The following PKD1L3 variants were observed in gnomAD, a reference collection of about 807,000 sequenced individuals.
PKD1L3 encodes the protein polycystin 1 like 3, transient receptor potential channel interacting, also known as polycystin-1-like protein 3.
PKD1L3 carries 239 observed loss-of-function variants against 184.1 expected under a neutral mutation model. That is an observed-to-expected ratio of 1.30 (90% confidence interval 1.17 to 1.45). The LOEUF is 1.45. Among genes scored for constraint, PKD1L3 ranks in the 40% most tolerant of loss-of-function variants. The probability of loss-of-function intolerance (pLI) is 0.00; values close to 1 mark genes in which losing one functional copy is unlikely to be tolerated. For synonymous variants in PKD1L3, 996 were observed against 778.8 expected, an observed-to-expected ratio of 1.28 and a Z score of -4.64; for missense variants, 2,660 against 2,067.2, an observed-to-expected ratio of 1.29 and a Z score of -5.56.
intron 12 of PKD1L3, among the ~76,000 whole-genome samples, chr16:71,972,983 C>T (rs8055242): frequency 0.2 from 30,293 of 152,220 alleles, 3,679 homozygotes; most frequent in South Asian, 0.4. Context: ...AGTTCTCCTT[C>T]GTTTAGCAAG....
intron 25 of PKD1L3, among the ~76,000 whole-genome samples, chr16:71,936,113 T>G (rs2038166214): frequency 6.6e-6 from 1 of 151,732 alleles, no homozygotes; most frequent in Non-Finnish European, 1.5e-5. Context: ...CTAAATTAGT[T>G]ATCAAGCCTG....
intron 24 of PKD1L3, among the ~76,000 whole-genome samples, chr16:71,940,729 A>AC (rs2143208665): frequency 6.6e-6 from 1 of 152,158 alleles, no homozygotes; most frequent in Non-Finnish European, 1.5e-5. Context: ...CAAACTCCTG[A>AC]CTTCAGGTCA....
chr16:71,941,854 G>A (rs1416572973), intron 24 of PKD1L3, among the ~76,000 whole-genome samples: 3 of 151,616 alleles, frequency 2.0e-5, no homozygotes, highest in Non-Finnish European at 4.4e-5. Flanking sequence ...AAAGTGCTGG[G>A]ATTACAGGCA....
chr16:71,951,608 T>A lies in PKD1L3; in HGVS notation c.3146A>T (p.Glu1049Val), dbSNP rs1567506245. ...LLSSLVSSHL[E>V]GQGCHQQGER... ...TCCCTGCTGATGACAGCCTTGACCC[T>A]CCAAGTGAGATGATACGAGGCTGGA... The change falls in exon 19 of 30, where the codon GAG becomes GTG. Residue 1049 changes from glutamate to valine, a missense_variant. Glu to Val is a moderately radical substitution (Grantham distance 121, BLOSUM62 -2). Transcript: ENST00000620267. 1 of 1,551,838 alleles carries A rather than the reference T, an allele frequency of 6.4e-7. No individual in the cohort carries two copies. The highest frequency in any genetic ancestry group is 1.2e-5 in the South Asian group (1 of 84,064).
chr16:71,984,225 G>A, intron 5 of PKD1L3, 58 bp from the exon 6 acceptor site: 1 of 1,494,166 alleles, frequency 6.7e-7, no homozygotes, highest in South Asian at 1.2e-5. Context: ...TACTGTAGTA[G>A]TCAGGGAGAT....
At chr16:71,973,865 G>C (rs147885513) in intron 11 of PKD1L3, among the ~76,000 whole-genome samples, 1 of 152,082 alleles carries the variant, frequency 6.6e-6, no homozygotes, top group Non-Finnish European at 1.5e-5. Flanking sequence ...AGTGGGGTGT[G>C]GTGATGTGAG....
chr16:71,996,191 G>A (rs978613071), intron 2 of PKD1L3, among the ~76,000 whole-genome samples: 2 of 148,924 alleles, frequency 1.3e-5, no homozygotes, highest in Non-Finnish European at 1.5e-5. Flanking sequence ...CGCTGATACA[G>A]TCATGTCAAA....
At chr16:71,962,285 G>C (rs879090747) in intron 16 of PKD1L3, among the ~76,000 whole-genome samples, 1 of 152,100 alleles carries the variant, frequency 6.6e-6, no homozygotes, top group Non-Finnish European at 1.5e-5. Context: ...GCCGAGAGCC[G>C]TAATATTGAA....
chr16:71,993,785 CT>C (rs35536077), intron 2 of PKD1L3, among the ~76,000 whole-genome samples: 92,899 of 151,896 alleles, frequency 0.61, 29,420 homozygotes, highest in African/African-American at 0.76. Context: ...TGATAACATT[CT>C]TTTTTTTGAG....
intron 5 of PKD1L3, among the ~76,000 whole-genome samples, chr16:71,984,870 C>T (rs1193466882): frequency 6.6e-6 from 1 of 152,056 alleles, no homozygotes; most frequent in African/African-American, 2.4e-5. Context: ...AAAAAAGAGT[C>T]CATATTCAAG....
At position 71,966,374 on chromosome 16, in the gene PKD1L3, C is replaced by T. The variant is rs182174969; in HGVS notation, c.2465+763G>A. Reference sequence around the variant, plus strand: ...CATCGTCTAGTTATTTCTCTAACTCCTTAGGCACATCTCATACAGTAATTC... The same window carrying T: ...CATCGTCTAGTTATTTCTCTAACTCTTTAGGCACATCTCATACAGTAATTC... On this transcript the variant is annotated intron_variant, in intron 15 of 29. Transcript: ENST00000620267. Among the ~76,000 whole-genome samples, 122 of 151,876 alleles carry T rather than the reference C, an allele frequency of 8.0e-4. 1 individual carries two copies. The highest frequency in any genetic ancestry group is 2.5e-3 in the African/African-American group (104 of 41,434).
At chr16:71,977,142 G>A in intron 11 of PKD1L3, 94 bp downstream of exon 11, 1 of 978,228 alleles carries the variant, frequency 1.0e-6, no homozygotes, top group Non-Finnish European at 1.6e-6. Flanking sequence ...GAGCCTGACA[G>A]TTTGAGGCTG....
chr16:71,935,295 G>T, intron 26 of PKD1L3, 63 bp downstream of exon 26: 1 of 1,466,546 alleles, frequency 6.8e-7, no homozygotes, highest in Non-Finnish European at 9.2e-7. Flanking sequence ...GAATACTTGT[G>T]TATAAACAGG....
chr16:71,949,758 A>C lies in PKD1L3; in HGVS notation c.3618+25T>G, dbSNP rs74027720. On this transcript the variant is annotated intron_variant, in intron 21 of 29. Transcript: ENST00000620267. ...AGTTCCCCTAACTTCTGCAACTCCA[A>C]TGGTTCTTCCCATCCCTCACATACC... 2.9e-5 allele frequency: 44 copies of C among 1,538,734 alleles called. No homozygotes were observed. In the Middle Eastern group the frequency reaches 8.6e-4, roughly 30 times the overall value.
At chr16:71,978,433 G>C in intron 9 of PKD1L3, 50 bp from the exon 10 acceptor site, 1 of 1,486,208 alleles carries the variant, frequency 6.7e-7, no homozygotes, top group East Asian at 2.6e-5. Flanking sequence ...ATATTTTTAA[G>C]TGACCCCACT....
rs142507710 is a variant in PKD1L3 at position 71,999,379 on chromosome 16, T to C, written c.295+305A>G. Among the ~76,000 whole-genome samples, 134 of 152,272 alleles carry C rather than the reference T, an allele frequency of 8.8e-4. 1 individual carries two copies. Among genetic ancestry groups the C allele is most frequent in the African/African-American group, 2.9e-3 (122 of 41,564 alleles). On this transcript the variant is annotated intron_variant, in intron 1 of 29. Transcript: ENST00000620267. ...CTTAGAGATCAGAATAATGAAGAGA[T>C]GTTTATTAGGAAAAAAATGACCATC...
At chr16:71,994,654 C>T (rs2040716851) in intron 2 of PKD1L3, among the ~76,000 whole-genome samples, 2 of 152,120 alleles carry the variant, frequency 1.3e-5, no homozygotes, top group Admixed American at 1.3e-4. Flanking sequence ...AACTTATCAG[C>T]TCCAATTCTT....
intron 10 of PKD1L3, 104 bp downstream of exon 10, chr16:71,978,145 ATGGCAC>A: frequency 2.4e-6 from 3 of 1,256,066 alleles, no homozygotes; most frequent in Non-Finnish European, 3.3e-6. Flanking sequence ...TAACAAAACA[ATGGCAC>A]TGCCATCAAT....
Position 71,990,279 on chromosome 16 carries a change from C to CA in PKD1L3, c.585dup (p.Ser196PhefsTer28). ...TGTATGTTGTCAAGGGAAGCACTTA[C>CA]AAGATGAGCAGGAAGAGGATAGTGA... is the stretch of plus-strand genomic sequence containing the variant. On this transcript the variant is annotated frameshift_variant and splice_region_variant. Coordinates refer to ENST00000620267, the MANE Select transcript of PKD1L3 (RefSeq NM_181536.2). LOFTEE classifies it high-confidence loss of function. 6.5e-7 allele frequency: 1 copy of CA among 1,544,598 alleles called. No homozygotes were observed.
Sources: allele counts gnomAD v4.1 joint callset (sites outside exome capture counted in the v4.1 genomes callset), GRCh38; gene constraint gnomAD v4.1.1; transcripts MANE v1.5; gene names NCBI Gene and HGNC (gene_info 2026-07-23, HGNC 2026-07-21).